The following NR1H4 variants were observed in gnomAD, a reference collection of about 807,000 sequenced individuals.
The protein encoded by NR1H4 is bile acid receptor.
A neutral mutation model predicts 58.5 loss-of-function variants in NR1H4; 23 were observed. The ratio of observed to expected loss-of-function variants is 0.39; its 90% CI spans 0.28 to 0.56. The LOEUF (loss-of-function observed/expected upper bound fraction) is 0.56. Among genes scored for constraint, NR1H4 ranks in the 20% least tolerant of loss-of-function variants. NR1H4 has a pLI of 0.58. For synonymous variants in NR1H4, 214 were observed against 198.0 expected (o/e 1.08, Z -0.68); for missense variants, 487 against 576.9 (o/e 0.84, Z 1.60).
chr12:100,475,489 G>C (rs993267078), intron 1 of NR1H4, among the ~76,000 whole-genome samples: 1 of 152,150 alleles, frequency 6.6e-6, no homozygotes, highest in Admixed American at 6.5e-5. Flanking sequence ...CTCACAGCTG[G>C]AGAGGGAAAG....
intron 1 of NR1H4, among the ~76,000 whole-genome samples, chr12:100,488,871 A>C (rs1053021216): frequency 5.3e-5 from 8 of 152,210 alleles, no homozygotes; most frequent in African/African-American, 1.9e-4. Flanking sequence ...AAGACATTAG[A>C]TGTCAACCCA....
At chr12:100,518,484 C>T (rs1593084092) in intron 4 of NR1H4, among the ~76,000 whole-genome samples, 1 of 152,074 alleles carries the variant, frequency 6.6e-6, no homozygotes, top group East Asian at 1.9e-4. Flanking sequence ...GAGACGTTGC[C>T]CCCATGGTGT....
At chr12:100,556,606 A>G (rs1955334705) in intron 9 of NR1H4, among the ~76,000 whole-genome samples, 1 of 152,214 alleles carries the variant, frequency 6.6e-6, no homozygotes, top group Admixed American at 6.5e-5. Context: ...ACCCATGATT[A>G]CAGCTGCCTG....
intron 4 of NR1H4, 70 bp from the exon 5 acceptor site, chr12:100,532,388 A>G (rs1954714056): frequency 3.3e-6 from 5 of 1,534,930 alleles, no homozygotes; most frequent in Non-Finnish European, 4.5e-6. Context: ...GGCATCTCTC[A>G]ATCCAAACCT....
intron 1 of NR1H4, among the ~76,000 whole-genome samples, chr12:100,476,726 A>C (rs1456352866): frequency 1.3e-5 from 2 of 152,122 alleles, no homozygotes; most frequent in Non-Finnish European, 2.9e-5. Context: ...GGGGAATAAA[A>C]GAAAATAGGA....
At chr12:100,542,179 C>G (rs1288665873) in intron 9 of NR1H4, among the ~76,000 whole-genome samples, 2 of 151,886 alleles carry the variant, frequency 1.3e-5, no homozygotes, top group Non-Finnish European at 2.9e-5. Context: ...AACTCCGTCT[C>G]TACTAAAAAT....
In NR1H4 at chr12:100,563,699, C is replaced by A; in HGVS notation, c.*210C>A. Reference sequence around the variant, plus strand: ...TGTGTTTTAAAAGGCTCCAGGGAATCCTGCATTCTAATTGGCAAGCCCTGT... The same window carrying A: ...TGTGTTTTAAAAGGCTCCAGGGAATACTGCATTCTAATTGGCAAGCCCTGT... On this transcript the variant is annotated 3_prime_UTR_variant, in exon 11 of 11. Coordinates refer to ENST00000392986, the MANE Select transcript of NR1H4 (RefSeq NM_001206979.2). 1.8e-6 allele frequency: 1 copy of A among 557,232 alleles called. No homozygotes were observed. Among genetic ancestry groups the A allele is most frequent in the Non-Finnish European group, 3.2e-6 (1 of 315,620 alleles). 34.5% of individuals were successfully genotyped at this position (557,232 alleles called of 1,614,324 possible). A position where few individuals can be genotyped will look rare whatever the true frequency, so the allele number is the denominator to read the frequency against.
intron 9 of NR1H4, among the ~76,000 whole-genome samples, chr12:100,561,596 A>C (rs1241564310): frequency 1.3e-5 from 2 of 152,176 alleles, no homozygotes; most frequent in Admixed American, 6.5e-5. Flanking sequence ...TTCTTTTGGC[A>C]ATTCAAGAGC....
chr12:100,499,263 G>C (rs573184773), intron 3 of NR1H4, among the ~76,000 whole-genome samples: 1 of 152,174 alleles, frequency 6.6e-6, no homozygotes, highest in African/African-American at 2.4e-5. Flanking sequence ...TCAAGTGAAC[G>C]TAGTTCTGAC....
In NR1H4 at chr12:100,500,259, C is replaced by A. The variant is rs537105932; in HGVS notation, c.79+6857C>A. Among the ~76,000 whole-genome samples the A allele has an allele frequency of 1.8e-4, 27 of 152,264 alleles. No individual in the cohort carries two copies. In the South Asian group the frequency reaches 5.4e-3, roughly 30 times the overall value. Reference sequence around the variant, plus strand: ...TTAAAGTCTGCTGACCATGTCTGTTCTGAAGGATAGTTCTCAGAAAAAAAA... The same window carrying A: ...TTAAAGTCTGCTGACCATGTCTGTTATGAAGGATAGTTCTCAGAAAAAAAA... On this transcript the variant is annotated intron_variant, in intron 3 of 10. Transcript: ENST00000392986.
intron 4 of NR1H4, among the ~76,000 whole-genome samples, chr12:100,518,521 G>A (rs1046641773): frequency 1.3e-5 from 2 of 152,196 alleles, no homozygotes; most frequent in African/African-American, 4.8e-5. Flanking sequence ...ATGCAAGGGA[G>A]AGGATGGGTT....
intron 3 of NR1H4, among the ~76,000 whole-genome samples, chr12:100,504,432 G>T (rs1953910057): frequency 6.6e-6 from 1 of 151,980 alleles, no homozygotes; most frequent in African/African-American, 2.4e-5. Context: ...GGAAGGCCGG[G>T]GAAGCAAATT....
intron 4 of NR1H4, among the ~76,000 whole-genome samples, chr12:100,519,953 ATG>A (rs1438521338): frequency 6.6e-6 from 1 of 152,222 alleles, no homozygotes; most frequent in East Asian, 1.9e-4. Flanking sequence ...TATCTTCCTT[ATG>A]TGTTCTCCTG....
intron 3 of NR1H4, among the ~76,000 whole-genome samples, chr12:100,510,527 G>A (rs750615043): frequency 4.6e-4 from 69 of 149,786 alleles, no homozygotes; most frequent in Non-Finnish European, 9.2e-4. Flanking sequence ...TGGTTTTCAG[G>A]AGCTCTTTAT....
intron 1 of NR1H4, among the ~76,000 whole-genome samples, chr12:100,489,981 C>T (rs1361508956): frequency 3.9e-5 from 6 of 152,112 alleles, no homozygotes. Context: ...GGGATAATAA[C>T]TTAAATGATG....
In NR1H4 at chr12:100,481,458, C is replaced by T. The variant is rs1268205565; in HGVS notation, c.-190+7399C>T. ...AGTTCTGATGGAAGAGAATTAACAA[C>T]GGGAAATTCGCGAGATTAATTAAAA... On this transcript the variant is annotated intron_variant, in intron 1 of 10. Coordinates refer to ENST00000392986, the MANE Select transcript of NR1H4 (RefSeq NM_001206979.2). Among the ~76,000 whole-genome samples the T allele has an allele frequency of 4.6e-5, 7 of 152,148 alleles. No homozygotes were observed. In the South Asian group the frequency reaches 1.0e-3, roughly 22 times the overall value.
In NR1H4 at chr12:100,525,863, G is replaced by T. The variant is rs1163819413; in HGVS notation, c.446-6595G>T. ...TTTCTCCTTGTTGAGTTTTGGTAGG[G>T]TATGTCTTTCCAGGAATTTCATCTA... is the stretch of plus-strand genomic sequence containing the variant. On this transcript the variant is annotated intron_variant, in intron 4 of 10. Transcript: ENST00000392986. 2.0e-5 allele frequency among the ~76,000 whole-genome samples: 3 copies of T among 152,154 alleles called. No individual in the cohort carries two copies. In the East Asian group the frequency reaches 5.8e-4, roughly 29 times the overall value.
At chr12:100,536,051 G>A (rs1954805524) in intron 6 of NR1H4, among the ~76,000 whole-genome samples, 2 of 152,104 alleles carry the variant, frequency 1.3e-5, no homozygotes, top group Non-Finnish European at 2.9e-5. Flanking sequence ...TTTGGTCCAT[G>A]GGCCACAGTT....
At chr12:100,480,320 A>T (rs1325572812) in intron 1 of NR1H4, among the ~76,000 whole-genome samples, 1 of 152,224 alleles carries the variant, frequency 6.6e-6, no homozygotes. Context: ...CTGACAAAAT[A>T]AATGAGTGAA....
Sources: allele counts gnomAD v4.1 joint callset (sites outside exome capture counted in the v4.1 genomes callset), GRCh38; gene constraint gnomAD v4.1.1; transcripts MANE v1.5; gene names NCBI Gene and HGNC (gene_info 2026-07-23, HGNC 2026-07-21).